ANKRD30B: variants seen among roughly 807,000 people sequenced by gnomAD.
ANKRD30B encodes ankyrin repeat domain-containing protein 30B.
Under a neutral mutation model 202.2 loss-of-function variants are expected in ANKRD30B, and 144 were observed. The observed-to-expected ratio is 0.71, with a 90% CI of 0.62 to 0.82. The LOEUF (loss-of-function observed/expected upper bound fraction) is 0.82, where lower values mean the gene tolerates loss of function less well. Among genes scored for constraint, ANKRD30B ranks in the 40% least tolerant of loss-of-function variants. The pLI, the probability that ANKRD30B is intolerant of heterozygous loss-of-function variation, is 0.00. For synonymous variants in ANKRD30B, 508 were observed against 561.3 expected, an observed-to-expected ratio of 0.91 and a Z score of 1.34; for missense variants, 1,487 against 1,669.1, an observed-to-expected ratio of 0.89 and a Z score of 1.90.
chr18:14,854,832 A>AGCAC (rs1491528865), downstream of ANKRD30B, among the ~76,000 whole-genome samples: 1 of 134,104 alleles, frequency 7.5e-6, no homozygotes, highest in Non-Finnish European at 1.6e-5. Context: ...ACTATCCACG[A>AGCAC]ACACACACAC....
chr18:14,889,193 C>A, the ANKRD30B span, among the ~76,000 whole-genome samples: 1 of 151,578 alleles, frequency 6.6e-6, no homozygotes, highest in Non-Finnish European at 1.5e-5. Context: ...GACCTATTTC[C>A]CCCTAAGTAA....
At chr18:14,934,401 G>C in the ANKRD30B span, among the ~76,000 whole-genome samples, 1 of 152,154 alleles carries the variant, frequency 6.6e-6, no homozygotes, top group Non-Finnish European at 1.5e-5. Flanking sequence ...CTTGCTACCC[G>C]GCAGTGATGG....
chr18:14,750,414 T>C (rs1913238710), intron 1 of ANKRD30B, among the ~76,000 whole-genome samples: 1 of 152,142 alleles, frequency 6.6e-6, no homozygotes. Flanking sequence ...GGCATTTAAG[T>C]TAAAAGAGGA....
At chr18:14,788,116 G>T (rs1005217953) in intron 15 of ANKRD30B, among the ~76,000 whole-genome samples, 1 of 152,112 alleles carries the variant, frequency 6.6e-6, no homozygotes, top group Admixed American at 6.6e-5. Flanking sequence ...CATTTTTAAC[G>T]CTAAACAGTT....
At chr18:14,934,632 G>A in the ANKRD30B span, among the ~76,000 whole-genome samples, 1 of 152,262 alleles carries the variant, frequency 6.6e-6, no homozygotes, top group South Asian at 2.1e-4. Context: ...GGTGGAGTTG[G>A]TATCCATGCC....
chr18:14,791,344 A>C, intron 15 of ANKRD30B, 57 bp from the exon 16 acceptor site: 1 of 1,415,366 alleles, frequency 7.1e-7, no homozygotes, highest in Non-Finnish European at 9.7e-7. Flanking sequence ...AAATTTTGAT[A>C]CTCTTCATTA....
At chr18:14,784,651 A>AT in intron 14 of ANKRD30B, 116 bp downstream of exon 14, 1 of 1,163,280 alleles carries the variant, frequency 8.6e-7, no homozygotes. Context: ...TTTGATCTAG[A>AT]TAATGCCAAT....
At chr18:14,915,309 A>G in the ANKRD30B span, among the ~76,000 whole-genome samples, 1 of 152,196 alleles carries the variant, frequency 6.6e-6, no homozygotes, top group African/African-American at 2.4e-5. Context: ...TTCTGTCCAG[A>G]AAAAGACACT....
Position 14,810,076 on chromosome 18 carries a change from C to A in ANKRD30B, c.2416-32C>A, listed in dbSNP as rs1179608782. 75 of 1,466,448 alleles carry A rather than the reference C, an allele frequency of 5.1e-5. 2 individuals carry two copies. In the East Asian group the frequency reaches 6.8e-4, roughly 13 times the overall value. The allele number at this position is 1,466,448 out of a possible 1,614,324, so 90.8% of individuals were successfully genotyped here. The stretch of plus-strand genomic sequence containing the variant: ...ACATATTTTATGAAGTATACATTAT[C>A]TATTAATTTTTGTGTTTCCAAACCC... On this transcript the variant is annotated intron_variant, in intron 27 of 43. Coordinates refer to ENST00000690538, the MANE Select transcript of ANKRD30B (RefSeq NM_001367607.2).
chr18:14,767,220 A>G (rs1916376406), intron 7 of ANKRD30B, among the ~76,000 whole-genome samples: 1 of 152,198 alleles, frequency 6.6e-6, no homozygotes, highest in Non-Finnish European at 1.5e-5. Flanking sequence ...TCTCTCTCAC[A>G]CAAACATAAA....
chr18:14,784,878 G>A (rs1296563726), intron 14 of ANKRD30B, among the ~76,000 whole-genome samples: 2 of 152,026 alleles, frequency 1.3e-5, no homozygotes, highest in Non-Finnish European at 2.9e-5. Flanking sequence ...CAGATTCCAC[G>A]GTTTACTTCG....
At chr18:14,889,617 C>T in the ANKRD30B span, among the ~76,000 whole-genome samples, 216 of 150,462 alleles carry the variant, frequency 1.4e-3, no homozygotes, top group Middle Eastern at 0.014. Flanking sequence ...GATTTTTTCC[C>T]AAGAATTTTC....
chr18:14,816,730 A>C (rs1970129095), intron 30 of ANKRD30B: 1 of 152,132 alleles, frequency 6.6e-6, no homozygotes, highest in Non-Finnish European at 1.5e-5. Flanking sequence ...CAACAACGCT[A>C]GACTGGATTA....
intron 16 of ANKRD30B, among the ~76,000 whole-genome samples, chr18:14,792,177 G>A (rs1468223917): frequency 6.6e-6 from 1 of 152,170 alleles, no homozygotes; most frequent in South Asian, 2.1e-4. Context: ...AGCCGACTAG[G>A]GATTCTGCAT....
At position 14,849,041 on chromosome 18, in the gene ANKRD30B, T is replaced by C. The variant is rs1469832708; in HGVS notation, c.3395+112T>C. The C allele has an allele frequency of 6.8e-5, 88 of 1,295,600 alleles. 1 individual carries two copies. The highest frequency in any genetic ancestry group is 4.9e-6 in the Non-Finnish European group (5 of 1,011,452). The allele number at this position is 1,295,600 out of a possible 1,614,324, so 80.3% of individuals were successfully genotyped here. ...TGAGATTTAACTGGAGAAAAAAATC[T>C]GTCTTGTAGAGTGTCAAATTCTTTT... On this transcript the variant is annotated intron_variant, in intron 40 of 43. Transcript: ENST00000690538.
In ANKRD30B at chr18:14,752,595, G is replaced by C; in HGVS notation, c.251G>C (p.Gly84Ala). 1 of 1,612,588 alleles carries C rather than the reference G, an allele frequency of 6.2e-7. No homozygotes were observed. The highest frequency in any genetic ancestry group is 8.5e-7 in the Non-Finnish European group (1 of 1,179,196). Residue 84 changes from glycine (G) to alanine (A), a missense_variant, in exon 2 of 44, where the codon GGC becomes GCC. Gly to Ala is a moderately conservative substitution (Grantham distance 60). Around this residue, in one of 6 missense-constraint regions of ANKRD30B, gnomAD observed 889 missense variants for 841.4 expected, o/e 1.06. Transcript: ENST00000690538. ...RTALHWACVN[G>A]HAEVVTFLVD... The stretch of plus-strand genomic sequence containing the variant: ...GCTCTACACTGGGCCTGTGTCAATG[G>C]CCATGCAGAAGTAGTAACATTTCTG...
chr18:14,842,773 C>T lies in ANKRD30B; in HGVS notation c.3080-124C>T, dbSNP rs1209763903. 5.4e-6 allele frequency: 5 copies of T among 925,958 alleles called. No individual in the cohort carries two copies. The African/African-American group carries it at 8.4e-5, about 16-fold the overall frequency. The allele number at this position is 925,958 out of a possible 1,614,324, so 57.4% of individuals were successfully genotyped here. A position where few individuals can be genotyped will look rare whatever the true frequency, so the allele number is the denominator to read the frequency against. On this transcript the variant is annotated intron_variant, in intron 37 of 43. Coordinates refer to ENST00000690538, the MANE Select transcript of ANKRD30B (RefSeq NM_001367607.2). ...AAAGAAACATACCGAAAGAAAACCC[C>T]CTAAACCTAAAGGAATCATTCTCAA... is the stretch of plus-strand genomic sequence containing the variant.
chr18:14,748,429 C>G lies in ANKRD30B; in HGVS notation c.10C>G (p.Leu4Val). The part of the protein sequence containing the change: MKR[L>V]LAAAGKGVRG... ...GCAGGGGGCTGCAGCCATGAAGAGG[C>G]TCTTAGCTGCCGCTGGCAAGGGCGT... Residue 4 changes from leucine (L) to valine (V), a missense_variant, in exon 1 of 44, where the codon CTC becomes GTC. Around this residue, in one of 6 missense-constraint regions of ANKRD30B, gnomAD observed 889 missense variants for 841.4 expected, o/e 1.06. Transcript: ENST00000690538. 4 of 1,507,484 alleles carry G rather than the reference C, an allele frequency of 2.7e-6. No homozygotes were observed. Among genetic ancestry groups the G allele is most frequent in the Non-Finnish European group, 3.6e-6 (4 of 1,125,634 alleles). 93.4% of individuals were successfully genotyped at this position (1,507,484 alleles called of 1,614,324 possible).
chr18:14,932,853 G>C, the ANKRD30B span, among the ~76,000 whole-genome samples: 1 of 152,118 alleles, frequency 6.6e-6, no homozygotes, highest in African/African-American at 2.4e-5. Context: ...AGGACAGATT[G>C]CTTCATAAAT....
Sources: gnomAD v4.1 joint callset for allele counts (sites outside exome capture counted in the v4.1 genomes callset) on GRCh38, gnomAD v4.1.1 for gene constraint, gnomAD v4.1.1 regional missense constraint, MANE v1.5 for transcripts, NCBI Gene and HGNC (gene_info 2026-07-23, HGNC 2026-07-21) for gene names.